Variants in PIWIL4 observed in about 807,000 individuals in gnomAD.
PIWIL4 encodes piwi-like protein 4.
PIWIL4 carries 50 observed loss-of-function variants against 100.9 expected under a neutral mutation model. The observed-to-expected ratio is 0.50, with a 90% CI of 0.39 to 0.63. The LOEUF is 0.63. Ranked by LOEUF, PIWIL4 falls within the 20% of genes least tolerant of loss-of-function variation. The pLI is 0.00. For missense variants in PIWIL4, 887 were observed against 1,043.3 expected (o/e 0.85, Z 2.06); for synonymous variants, 342 against 367.5 (o/e 0.93, Z 0.79).
At chr11:94,582,275 G>C (rs1245649934) in intron 4 of PIWIL4, among the ~76,000 whole-genome samples, 1 of 152,142 alleles carries the variant, frequency 6.6e-6, no homozygotes, top group South Asian at 2.1e-4. Context: ...CAGTTTGAGA[G>C]GTGGGCATCC....
At position 94,621,045 on chromosome 11, in the gene PIWIL4, A is replaced by T; in HGVS notation, c.*53A>T. 7.5e-7 allele frequency: 1 copy of T among 1,332,078 alleles called. No individual in the cohort carries two copies. The allele number at this position is 1,332,078 out of a possible 1,614,324, so 82.5% of individuals were successfully genotyped here. On this transcript the variant is annotated 3_prime_UTR_variant, in exon 20 of 20. Transcript: ENST00000299001. ...GGACAATCCAAGAAGAAATTGGTAT[A>T]CTTTGTGCAAATCTGCCATAAGCTC...
intron 15 of PIWIL4, among the ~76,000 whole-genome samples, chr11:94,610,836 C>T (rs957763896): frequency 2.0e-5 from 3 of 152,040 alleles, no homozygotes; most frequent in African/African-American, 4.8e-5. Flanking sequence ...TTTTTGGTGT[C>T]ATATTCAGAA....
In PIWIL4 at chr11:94,587,218, G is replaced by A; in HGVS notation, c.885G>A (p.Lys295=). 6.2e-7 allele frequency: 1 copy of A among 1,614,152 alleles called. No homozygotes were observed. Among genetic ancestry groups the A allele is most frequent in the African/African-American group, 1.3e-5 (1 of 75,050 alleles). Residue 295 remains lysine (K), a synonymous_variant, in exon 7 of 20, where the codon AAG becomes AAA. Transcript: ENST00000299001. ...GLSCFTQTCE[K]QLIGLIVLTR... ...CCTGTTTCACCCAGACGTGTGAGAA[G>A]CAGCTAATAGGGCTCATTGTCCTTA...
At chr11:94,586,256 A>C (rs1008730482) in intron 6 of PIWIL4, among the ~76,000 whole-genome samples, 1 of 152,026 alleles carries the variant, frequency 6.6e-6, no homozygotes, top group Admixed American at 6.6e-5. Context: ...AAAATCTCAT[A>C]GGTGCTGATT....
intron 2 of PIWIL4, among the ~76,000 whole-genome samples, chr11:94,570,495 A>G (rs1948136542): frequency 6.6e-6 from 1 of 152,112 alleles, no homozygotes; most frequent in Non-Finnish European, 1.5e-5. Flanking sequence ...ACCTATTTAA[A>G]GACCCTGTCA....
rs116091417 is a variant in PIWIL4 at position 94,592,012 on chromosome 11, C to T, written c.1027-1506C>T. Among the ~76,000 whole-genome samples the T allele has an allele frequency of 2.7e-3, 409 of 152,264 alleles. 2 individuals are homozygous for T. The highest frequency in any genetic ancestry group is 8.4e-3 in the African/African-American group (350 of 41,540). On this transcript the variant is annotated intron_variant, in intron 8 of 19. Transcript: ENST00000299001. ...TGCCTTTGTTTTGCTGGAGCTGTTA[C>T]CTGAGACTATCCGTACTCCCATGTT...
chr11:94,602,929 G>A (rs1317788067), intron 12 of PIWIL4, among the ~76,000 whole-genome samples: 2 of 152,198 alleles, frequency 1.3e-5, no homozygotes, highest in Non-Finnish European at 2.9e-5. Context: ...GCCACAGTCC[G>A]CAGATCCTGG....
At chr11:94,574,932 ATAG>A in intron 2 of PIWIL4, 64 bp from the exon 3 acceptor site, 8 of 1,488,356 alleles carry the variant, frequency 5.4e-6, no homozygotes, top group Non-Finnish European at 7.4e-6. Context: ...CATTTTTGAC[ATAG>A]TAGTTGCAAA....
intron 15 of PIWIL4, among the ~76,000 whole-genome samples, chr11:94,615,044 G>A (rs1452143627): frequency 2.0e-5 from 3 of 152,152 alleles, no homozygotes; most frequent in Non-Finnish European, 2.9e-5. Flanking sequence ...TAGCATTTGG[G>A]GTGCCTGTGA....
In PIWIL4 at chr11:94,587,106, T is replaced by C. The variant is rs1200791521; in HGVS notation, c.773T>C (p.Leu258Pro). 3.4e-5 allele frequency: 55 copies of C among 1,613,924 alleles called. No homozygotes were observed. The highest frequency in any genetic ancestry group is 4.7e-5 in the Non-Finnish European group (55 of 1,179,946). ...GTGTCATATTTTGAAAGGAAGCTCC[T>C]GTTTAGTGCTGATGTGAGTTACAAA... ...ISVSYFERKL[L>P]FSADVSYKVL... Residue 258 changes from leucine (L) to proline (P), a missense_variant, in exon 7 of 20, where the codon CTG becomes CCG. Coordinates refer to ENST00000299001, the MANE Select transcript of PIWIL4 (RefSeq NM_152431.3).
intron 14 of PIWIL4, 50 bp downstream of exon 14, chr11:94,607,689 A>T: frequency 6.6e-7 from 1 of 1,512,432 alleles, no homozygotes; most frequent in Non-Finnish European, 9.0e-7. Context: ...AATTTATTTT[A>T]AAGATTAAAG....
At chr11:94,580,763 C>T (rs966734718) in intron 4 of PIWIL4, among the ~76,000 whole-genome samples, 2 of 152,024 alleles carry the variant, frequency 1.3e-5, no homozygotes, top group African/African-American at 4.8e-5. Flanking sequence ...CTTTGTTCTC[C>T]AGGTTATCCT....
chr11:94,602,833 G>A (rs1417666240), intron 12 of PIWIL4, among the ~76,000 whole-genome samples: 1 of 152,114 alleles, frequency 6.6e-6, no homozygotes, highest in Admixed American at 6.5e-5. Flanking sequence ...TATCAAATCT[G>A]TTAATAAATA....
intron 2 of PIWIL4, among the ~76,000 whole-genome samples, chr11:94,572,653 T>C (rs1430580077): frequency 1.3e-5 from 2 of 152,246 alleles, no homozygotes; most frequent in Admixed American, 6.5e-5. Context: ...TCTATATCTC[T>C]GTTTTGGTAC....
At chr11:94,618,698 GA>G (rs1948872425) in intron 17 of PIWIL4, among the ~76,000 whole-genome samples, 1 of 152,204 alleles carries the variant, frequency 6.6e-6, no homozygotes, top group South Asian at 2.1e-4. Context: ...GTTGGAAATG[GA>G]AAATAGGAGA....
intron 4 of PIWIL4, among the ~76,000 whole-genome samples, chr11:94,579,408 T>C (rs112806348): frequency 8.0e-5 from 12 of 150,468 alleles, no homozygotes; most frequent in African/African-American, 2.8e-4. Flanking sequence ...AATGTTACAA[T>C]TACTACAAGA....
chr11:94,605,339 A>C (rs1372729474), intron 13 of PIWIL4, among the ~76,000 whole-genome samples: 1 of 152,196 alleles, frequency 6.6e-6, no homozygotes, highest in African/African-American at 2.4e-5. Flanking sequence ...AGTACAGACT[A>C]GTTATTTTGT....
chr11:94,584,568 G>A (rs1429583648), intron 5 of PIWIL4, among the ~76,000 whole-genome samples: 3 of 152,162 alleles, frequency 2.0e-5, no homozygotes, highest in East Asian at 3.9e-4. Flanking sequence ...AGAGCAACCC[G>A]AGGCAAGTGC....
chr11:94,610,140 T>G (rs1948772338), intron 15 of PIWIL4, among the ~76,000 whole-genome samples: 1 of 152,176 alleles, frequency 6.6e-6, no homozygotes, highest in African/African-American at 2.4e-5. Context: ...TTTTTGTGTC[T>G]GGCTTATTTT....
Sources: gnomAD v4.1 joint callset for allele counts (sites outside exome capture counted in the v4.1 genomes callset) on GRCh38, gnomAD v4.1.1 for gene constraint, MANE v1.5 for transcripts, NCBI Gene and HGNC (gene_info 2026-07-23, HGNC 2026-07-21) for gene names.